Variants in ATP11A observed in about 807,000 individuals in gnomAD.
ATP11A encodes the protein ATPase phospholipid transporting 11A.
A neutral mutation model predicts 154.4 loss-of-function variants in ATP11A; 81 were observed. That is an observed-to-expected ratio of 0.52 (90% CI 0.44 to 0.63). The LOEUF is 0.63. ATP11A is among the 30% of genes least tolerant of loss of function. ATP11A has a pLI of 0.00. For missense variants in ATP11A, 1,316 were observed against 1,474.3 expected, an observed-to-expected ratio of 0.89 and a Z score of 1.76; for synonymous variants, 623 against 585.9, an observed-to-expected ratio of 1.06 and a Z score of -0.91.
chr13:112,852,460 A>G (rs2079793771), intron 18 of ATP11A, among the ~76,000 whole-genome samples: 1 of 152,210 alleles, frequency 6.6e-6, no homozygotes. Context: ...GTCCAGAGTA[A>G]GTGCACAGAG....
chr13:112,761,416 T>C (rs965834574), intron 1 of ATP11A, among the ~76,000 whole-genome samples: 1 of 152,234 alleles, frequency 6.6e-6, no homozygotes, highest in South Asian at 2.1e-4. Flanking sequence ...CATATTGTTA[T>C]AATTGTTCTA....
chr13:112,727,359 T>A (rs1889994040), intron 1 of ATP11A, among the ~76,000 whole-genome samples: 1 of 152,256 alleles, frequency 6.6e-6, no homozygotes, highest in African/African-American at 2.4e-5. Flanking sequence ...ACGCTGTTTC[T>A]AGTGATAACT....
chr13:112,770,885 C>T (rs555241118), intron 1 of ATP11A, among the ~76,000 whole-genome samples: 15 of 152,324 alleles, frequency 9.8e-5, no homozygotes, highest in African/African-American at 2.9e-4. Flanking sequence ...TATACACGGA[C>T]GGCAGAACAA....
chr13:112,850,921 A>G (rs1274360146), intron 17 of ATP11A, 116 bp from the exon 18 acceptor site: 4 of 916,124 alleles, frequency 4.4e-6, no homozygotes, highest in Non-Finnish European at 5.1e-6. Flanking sequence ...TGAAAGGGTT[A>G]CAATTCTTGG....
chr13:112,802,341 G>A (rs184837491), intron 2 of ATP11A, among the ~76,000 whole-genome samples: 29 of 151,484 alleles, frequency 1.9e-4, no homozygotes, highest in Non-Finnish European at 3.7e-4. Flanking sequence ...GCGAGACTCC[G>A]TCTCACAAAA....
chr13:112,795,415 A>G (rs2077974875), intron 2 of ATP11A, among the ~76,000 whole-genome samples: 1 of 152,138 alleles, frequency 6.6e-6, no homozygotes, highest in Non-Finnish European at 1.5e-5. Flanking sequence ...AGAGAGGAGC[A>G]TTGTAAATCT....
chr13:112,717,870 A>G (rs1279891849), intron 1 of ATP11A, among the ~76,000 whole-genome samples: 1 of 152,248 alleles, frequency 6.6e-6, no homozygotes, highest in Non-Finnish European at 1.5e-5. Flanking sequence ...TGAGGTCAGG[A>G]GTTTGAGACC....
intron 1 of ATP11A, among the ~76,000 whole-genome samples, chr13:112,763,985 C>T (rs780891254): frequency 3.3e-5 from 5 of 152,214 alleles, no homozygotes; most frequent in Non-Finnish European, 7.3e-5. Context: ...TTAACTTTGG[C>T]AAAATAAACC....
Position 112,873,582 on chromosome 13 carries a change from G to A in ATP11A, c.3067G>A (p.Asp1023Asn), listed in dbSNP as rs1340430612. ...TTTTTTTTCCTTTTAGCTTGCATTG[G>A]ACACACACTACTGGACTTGGATCAA... ...VFTVTLKLALDTHYWTWINHF... is the reference protein window; with the variant it reads ...VFTVTLKLALNTHYWTWINHF... Residue 1023 changes from aspartate to asparagine, a missense_variant, in exon 27 of 30, where the codon GAC (aspartate) becomes AAC (asparagine). By Grantham distance (23) the Asp-to-Asn change is conservative. Around this residue, in one of 5 missense-constraint regions of ATP11A, gnomAD observed 294 missense variants for 290.2 expected, o/e 1.01. Transcript: ENST00000375645. 2 of 1,603,830 alleles carry A rather than the reference G, an allele frequency of 1.2e-6. No homozygotes were observed. Among genetic ancestry groups the A allele is most frequent in the African/African-American group, 1.4e-5 (1 of 74,020 alleles).
rs1335299505 is a variant in ATP11A at position 112,753,856 on chromosome 13, A to G, written c.40-31279A>G. On this transcript the variant is annotated intron_variant, in intron 1 of 29. Coordinates refer to ENST00000375645, the MANE Select transcript of ATP11A (RefSeq NM_015205.3). The surrounding 1 kb of genome is among the most constrained non-coding windows in gnomAD (Gnocchi z 4.1). The stretch of plus-strand genomic sequence containing the variant: ...GGCTTATGTTAGAAGCGCTTTTTCC[A>G]AAATGCAATGTAGAGTTATTTAAAT... Among the ~76,000 whole-genome samples, 1 of 152,236 alleles carries G rather than the reference A, an allele frequency of 6.6e-6. No individual in the cohort carries two copies. Among genetic ancestry groups the G allele is most frequent in the African/African-American group, 2.4e-5 (1 of 41,446 alleles).
In ATP11A at chr13:112,807,929, C is replaced by G. The variant is rs891159596; in HGVS notation, c.333+1636C>G. Among the ~76,000 whole-genome samples, 3 of 152,282 alleles carry G rather than the reference C, an allele frequency of 2.0e-5. No homozygotes were observed. The highest frequency in any genetic ancestry group is 7.2e-5 in the African/African-American group (3 of 41,558). On this transcript the variant is annotated intron_variant, in intron 4 of 29. Coordinates refer to ENST00000375645, the MANE Select transcript of ATP11A (RefSeq NM_015205.3). This position sits in a 1 kb window ranked among gnomAD's most constrained non-coding sequence, Gnocchi z 4.5. ...CCCAGGAGGCAGGCGTAGCACTGTT[C>G]TTCAGCGTCCTCTTCTCTGCATTTG...
chr13:112,728,377 G>C (rs950995383), intron 1 of ATP11A, among the ~76,000 whole-genome samples: 1 of 149,722 alleles, frequency 6.7e-6, no homozygotes, highest in Non-Finnish European at 1.5e-5. Context: ...TCCACGTGTG[G>C]AGGGGCCATG....
At chr13:112,752,371 GC>G (rs1323261619) in intron 1 of ATP11A, among the ~76,000 whole-genome samples, 1 of 152,332 alleles carries the variant, frequency 6.6e-6, no homozygotes, top group Non-Finnish European at 1.5e-5. Flanking sequence ...GGAGTGACAT[GC>G]AGCGCCATTC....
At chr13:112,724,597 G>C (rs762244010) in intron 1 of ATP11A, among the ~76,000 whole-genome samples, 7 of 152,066 alleles carry the variant, frequency 4.6e-5, no homozygotes, top group Non-Finnish European at 1.0e-4. Context: ...TTGGCCAAGA[G>C]ATTGAGTTCA....
At chr13:112,718,343 T>G (rs2139615045) in intron 1 of ATP11A, among the ~76,000 whole-genome samples, 1 of 152,360 alleles carries the variant, frequency 6.6e-6, no homozygotes, top group Non-Finnish European at 1.5e-5. Context: ...TGCTTTTTGT[T>G]TGTGCTCATG....
At chr13:112,855,842 A>G (rs1324002609) in intron 19 of ATP11A, 69 bp from the exon 20 acceptor site, 5 of 1,430,666 alleles carry the variant, frequency 3.5e-6, no homozygotes, top group South Asian at 1.4e-5. Flanking sequence ...ATATCCAAAA[A>G]CAATACAGTC....
intron 1 of ATP11A, among the ~76,000 whole-genome samples, chr13:112,776,990 A>G (rs906733075): frequency 6.6e-6 from 1 of 152,156 alleles, no homozygotes; most frequent in Non-Finnish European, 1.5e-5. Flanking sequence ...CGCATCGTAG[A>G]TCTTCTGAAA....
At position 112,862,593 on chromosome 13, in the gene ATP11A, T is replaced by C. The variant is rs2080145252; in HGVS notation, c.2991+18T>C. 1.2e-6 allele frequency: 2 copies of C among 1,613,994 alleles called. No individual in the cohort carries two copies. The highest frequency in any genetic ancestry group is 2.2e-5 in the East Asian group (1 of 44,892). On this transcript the variant is annotated intron_variant, in intron 25 of 29. Coordinates refer to ENST00000375645, the MANE Select transcript of ATP11A (RefSeq NM_015205.3). The stretch of plus-strand genomic sequence containing the variant: ...ACGGGCAGGTCAGTACAGAGCTCGA[T>C]TGCGCTGACTTAGCTGCTTAGGAAT...
rs147730962 is a variant in ATP11A at position 112,754,487 on chromosome 13, A to C, written c.40-30648A>C. ...CGCCGAGGAAACTGAGTACTGGGCT[A>C]ATTCACCTGCCAAAGCTGCATGCTT... On this transcript the variant is annotated intron_variant, in intron 1 of 29. Transcript: ENST00000375645. The surrounding 1 kb of genome is among the most constrained non-coding windows in gnomAD (Gnocchi z 5.3). The C allele has an allele frequency of 1.2e-3, 190 of 153,406 alleles. No individual in the cohort carries two copies. The East Asian group carries it at 0.013, about 10-fold the overall frequency. The allele number at this position is 153,406 out of a possible 1,614,324, so 9.5% of individuals were successfully genotyped here.
Sources: allele counts gnomAD v4.1 joint callset (sites outside exome capture counted in the v4.1 genomes callset), GRCh38; gene constraint gnomAD v4.1.1; regional missense constraint gnomAD v4.1.1; non-coding constraint Gnocchi (gnomAD v3.1); transcripts MANE v1.5; gene names NCBI Gene and HGNC (gene_info 2026-07-23, HGNC 2026-07-21).